The following IPCEF1 variants were observed in gnomAD, a reference collection of about 807,000 sequenced individuals.
IPCEF1 encodes interactor protein for cytohesin exchange factors 1.
IPCEF1 carries 31 observed loss-of-function variants against 50.9 expected under a neutral mutation model. The ratio of observed to expected loss-of-function variants is 0.61; its 90% confidence interval spans 0.46 to 0.82. IPCEF1 has a LOEUF of 0.82. IPCEF1 is among the 40% of genes least tolerant of loss of function. The pLI, the probability that IPCEF1 is intolerant of heterozygous loss-of-function variation, is 0.00. For missense variants in IPCEF1, 458 were observed against 514.0 expected (o/e 0.89, Z 1.05); for synonymous variants, 181 against 192.0 (o/e 0.94, Z 0.47).
intron 5 of IPCEF1, among the ~76,000 whole-genome samples, chr6:154,233,359 G>A (rs1164666284): frequency 1.3e-5 from 2 of 151,964 alleles, no homozygotes; most frequent in Non-Finnish European, 2.9e-5. Context: ...TAGTTTATTT[G>A]GAGAATAATA....
Position 154,158,931 on chromosome 6 carries a change from G to T in IPCEF1, c.*897C>A, listed in dbSNP as rs920619754. 1 of 152,008 alleles carries T rather than the reference G, an allele frequency of 6.6e-6. No individual in the cohort carries two copies. Among genetic ancestry groups the T allele is most frequent in the African/African-American group, 2.4e-5 (1 of 41,374 alleles). 9.4% of individuals were successfully genotyped at this position (152,008 alleles called of 1,614,324 possible). ...TTGTTTTTTTGTTTTTTTGAGTAAAGATATTAAAACAATTCAGATGCCAAA... is the reference window on the plus strand; with the variant it reads ...TTGTTTTTTTGTTTTTTTGAGTAAATATATTAAAACAATTCAGATGCCAAA... On this transcript the variant is annotated 3_prime_UTR_variant, in exon 12 of 12. Coordinates refer to ENST00000367220, the MANE Select transcript of IPCEF1 (RefSeq NM_001130700.2).
At chr6:154,185,789 A>G (rs1583738582) in intron 10 of IPCEF1, among the ~76,000 whole-genome samples, 1 of 152,346 alleles carries the variant, frequency 6.6e-6, no homozygotes, top group East Asian at 1.9e-4. Flanking sequence ...GAAAAAAATC[A>G]CAAAAAATTC....
At chr6:154,281,184 C>CAAAAAAAAAA (rs35597942) in intron 2 of IPCEF1, among the ~76,000 whole-genome samples, 5 of 59,134 alleles carry the variant, frequency 8.5e-5, no homozygotes, top group Non-Finnish European at 1.2e-4. Context: ...TACTAAAATA[C>CAAAAAAAAAA]AAAAAAAAAA....
chr6:154,268,810 A>G (rs7765863), intron 2 of IPCEF1, among the ~76,000 whole-genome samples: 65,738 of 150,734 alleles, frequency 0.44, 15,407 homozygotes, highest in East Asian at 0.65. Context: ...GCCTTGGTGC[A>G]TGCTTTTTCT....
At chr6:154,281,184 CA>C (rs35597942) in intron 2 of IPCEF1, among the ~76,000 whole-genome samples, 3,620 of 59,068 alleles carry the variant, frequency 0.061, 48 homozygotes, top group Middle Eastern at 0.12. Context: ...TACTAAAATA[CA>C]AAAAAAAAAA....
At chr6:154,223,660 T>C (rs1008515745) in intron 5 of IPCEF1, among the ~76,000 whole-genome samples, 3 of 152,238 alleles carry the variant, frequency 2.0e-5, no homozygotes, top group African/African-American at 7.2e-5. Context: ...ATTCTTGATA[T>C]ATATGGTGCC....
chr6:154,339,805 C>A (rs1783869090), intron 1 of IPCEF1, among the ~76,000 whole-genome samples: 1 of 152,032 alleles, frequency 6.6e-6, no homozygotes, highest in South Asian at 2.1e-4. Flanking sequence ...TATGTATAAC[C>A]CAGGCTCGTC....
rs958951568 is a variant in IPCEF1 at position 154,158,166 on chromosome 6, T to C, written c.*1662A>G. 6 of 152,240 alleles carry C rather than the reference T, an allele frequency of 3.9e-5. No individual in the cohort carries two copies. Among genetic ancestry groups the C allele is most frequent in the African/African-American group, 1.4e-4 (6 of 41,462 alleles). 9.4% of individuals were successfully genotyped at this position (152,240 alleles called of 1,614,324 possible). A position where few individuals can be genotyped will look rare whatever the true frequency, so the allele number is the denominator to read the frequency against. ...AACTATTCAACAACTATTTCCATTTTGTTTGCAGATATAATTCAGGTGGTT... is the reference window on the plus strand; with the variant it reads ...AACTATTCAACAACTATTTCCATTTCGTTTGCAGATATAATTCAGGTGGTT... On this transcript the variant is annotated 3_prime_UTR_variant, in exon 12 of 12. Transcript: ENST00000367220.
At chr6:154,247,379 G>T (rs368067416) in intron 4 of IPCEF1, 70 bp downstream of exon 4, 25 of 1,227,230 alleles carry the variant, frequency 2.0e-5, no homozygotes, top group African/African-American at 1.9e-4. Context: ...TCCCAAGGAA[G>T]GCACCCCGGA....
chr6:154,164,815 C>G lies in IPCEF1; in HGVS notation c.1104+3105G>C, dbSNP rs149212326. Among the ~76,000 whole-genome samples the G allele has an allele frequency of 4.9e-3, 750 of 152,294 alleles. 4 individuals are homozygous for G. The highest frequency in any genetic ancestry group is 7.4e-3 in the Non-Finnish European group (503 of 68,008). On this transcript the variant is annotated intron_variant, in intron 11 of 11. Coordinates refer to ENST00000367220, the MANE Select transcript of IPCEF1 (RefSeq NM_001130700.2). ...TAACTTATTTTAAAATAAAAGCAGA[C>G]TTAGCCAAAAGTCAGTGAATGATGA...
chr6:154,263,211 T>C (rs1454911908), intron 3 of IPCEF1, among the ~76,000 whole-genome samples: 3 of 148,308 alleles, frequency 2.0e-5, no homozygotes, highest in Non-Finnish European at 4.4e-5. Context: ...GACTCCCTTT[T>C]AGCATCCTGT....
chr6:154,308,968 G>A (rs1051482416), intron 1 of IPCEF1, among the ~76,000 whole-genome samples: 1 of 152,186 alleles, frequency 6.6e-6, no homozygotes, highest in Non-Finnish European at 1.5e-5. Context: ...TTTTAAAAGT[G>A]TAAACATCTA....
chr6:154,321,239 T>C (rs914736371), intron 1 of IPCEF1, among the ~76,000 whole-genome samples: 5 of 152,130 alleles, frequency 3.3e-5, no homozygotes, highest in Admixed American at 1.3e-4. Context: ...CCTATATGTA[T>C]ATACATGAAT....
At chr6:154,198,493 A>C (rs1776804532) in intron 10 of IPCEF1, among the ~76,000 whole-genome samples, 1 of 152,220 alleles carries the variant, frequency 6.6e-6, no homozygotes, top group Admixed American at 6.5e-5. Flanking sequence ...GAAGTATAAG[A>C]AAAATGCCAT....
At chr6:154,186,510 G>C (rs1040791749) in intron 10 of IPCEF1, among the ~76,000 whole-genome samples, 1 of 152,034 alleles carries the variant, frequency 6.6e-6, no homozygotes, top group African/African-American at 2.4e-5. Context: ...TTTCGCAGAT[G>C]CTCCCTCATG....
chr6:154,174,070 CTAAGCTTCA>C (rs1048084226), intron 10 of IPCEF1, among the ~76,000 whole-genome samples: 5 of 152,140 alleles, frequency 3.3e-5, no homozygotes, highest in Admixed American at 1.3e-4. Flanking sequence ...TCCAGCCAAA[CTAAGCTTCA>C]TAAGTGAAGG....
intron 10 of IPCEF1, among the ~76,000 whole-genome samples, chr6:154,185,748 C>T (rs1801283870): frequency 6.6e-6 from 1 of 152,156 alleles, no homozygotes; most frequent in Non-Finnish European, 1.5e-5. Context: ...ACATAAAATA[C>T]ACTAACAATA....
chr6:154,245,608 G>T (rs11155954), intron 5 of IPCEF1, among the ~76,000 whole-genome samples: 23,680 of 152,170 alleles, frequency 0.16, 2,322 homozygotes, highest in Non-Finnish European at 0.21. Context: ...TGACATGCAT[G>T]CCCACGTCAT....
intron 3 of IPCEF1, 63 bp downstream of exon 3, chr6:154,265,849 C>G (rs1486551371): frequency 3.4e-6 from 4 of 1,166,224 alleles, no homozygotes; most frequent in Non-Finnish European, 3.7e-6. Context: ...AATCAACCTA[C>G]TATTTTACTC....
Sources: gnomAD v4.1 joint callset for allele counts (sites outside exome capture counted in the v4.1 genomes callset) on GRCh38, gnomAD v4.1.1 for gene constraint, MANE v1.5 for transcripts, NCBI Gene and HGNC (gene_info 2026-07-23, HGNC 2026-07-21) for gene names.